Variants in BUB1B observed in about 807,000 individuals in gnomAD.
The protein encoded by BUB1B is mitotic checkpoint serine/threonine-protein kinase BUB1 beta.
BUB1B carries 86 observed loss-of-function variants against 137.7 expected under a neutral mutation model. The observed-to-expected ratio is 0.62, with a 90% CI of 0.52 to 0.75. BUB1B has a LOEUF of 0.75. BUB1B is among the 30% of genes least tolerant of loss of function. BUB1B has a pLI of 0.00. For synonymous variants in BUB1B, 420 were observed against 417.9 expected (o/e 1.00, Z -0.06); for missense variants, 1,130 against 1,236.9 (o/e 0.91, Z 1.30).
At chr15:40,191,324 T>C (rs143030932) in intron 8 of BUB1B, among the ~76,000 whole-genome samples, 222 of 152,358 alleles carry the variant, frequency 1.5e-3, no homozygotes, top group Admixed American at 5.6e-3. Flanking sequence ...CTATTTGGTT[T>C]TTTATTGTTG....
At chr15:40,180,251 C>CTTTTTTTTTTTTTTTT (rs34300396) in intron 5 of BUB1B, among the ~76,000 whole-genome samples, 5 of 90,508 alleles carry the variant, frequency 5.5e-5, no homozygotes, top group African/African-American at 2.2e-4. Flanking sequence ...CGTTTCGTTT[C>CTTTTTTTTTTTTTTTT]TTTTTTTTTT....
chr15:40,218,514 A>C lies in BUB1B; in HGVS notation c.2909A>C (p.Gln970Pro), dbSNP rs377751129. The C allele has an allele frequency of 1.2e-6, 2 of 1,614,016 alleles. No homozygotes were observed. Among genetic ancestry groups the C allele is most frequent in the Non-Finnish European group, 8.5e-7 (1 of 1,179,996 alleles). Residue 970 changes from glutamine (Q) to proline (P), a missense_variant, in exon 22 of 23, where the codon CAG (glutamine) becomes CCG (proline). Gln to Pro is a moderately conservative substitution (Grantham distance 76, BLOSUM62 -1). Coordinates refer to ENST00000287598, the MANE Select transcript of BUB1B (RefSeq NM_001211.6). ...TTACTATTGTTCAAGGAACACCTACAGGTCTTCTGGGATGGGTCCTTCTGG... is the reference window on the plus strand; with the variant it reads ...TTACTATTGTTCAAGGAACACCTACCGGTCTTCTGGGATGGGTCCTTCTGG... ...AHLLLFKEHL[Q>P]VFWDGSFWKL...
At chr15:40,204,637 T>A (rs928756606) in intron 14 of BUB1B, among the ~76,000 whole-genome samples, 1 of 151,276 alleles carries the variant, frequency 6.6e-6, no homozygotes, top group Non-Finnish European at 1.5e-5. Flanking sequence ...ATATATATAT[T>A]TTTTTCTTTT....
Position 40,202,624 on chromosome 15 carries a change from G to A in BUB1B, c.1664G>A (p.Arg555Gln), listed in dbSNP as rs2037587746. 7.4e-6 allele frequency: 12 copies of A among 1,614,018 alleles called. No individual in the cohort carries two copies. Among genetic ancestry groups the A allele is most frequent in the Non-Finnish European group, 1.0e-5 (12 of 1,180,008 alleles). Residue 555 changes from arginine to glutamine, a missense_variant, in exon 14 of 23, where the codon CGA becomes CAA. Transcript: ENST00000287598. ...PADPPRVLAQ[R>Q]RPLAVLKTSE... is the part of the protein sequence containing the mutation. ...GATCCCCCACGAGTTTTAGCTCAAC[G>A]AAGACCCCTTGCAGTTCTCAAAACC...
In BUB1B at chr15:40,190,887, A is replaced by C. The variant is rs919701076; in HGVS notation, c.1058+5245A>C. Among the ~76,000 whole-genome samples the C allele has an allele frequency of 5.5e-5, 8 of 146,616 alleles. No individual in the cohort carries two copies. The South Asian group carries it at 1.0e-3, about 19-fold the overall frequency. Reference sequence around the variant, plus strand: ...CATCAGGATAGTCAGAACGCCTTGTAATTTTTTTTTTTTTTTTTGAGACCG... The same window carrying C: ...CATCAGGATAGTCAGAACGCCTTGTCATTTTTTTTTTTTTTTTTGAGACCG... On this transcript the variant is annotated intron_variant, in intron 8 of 22. Coordinates refer to ENST00000287598, the MANE Select transcript of BUB1B (RefSeq NM_001211.6).
At chr15:40,184,931 TGTG>T (rs2037340275) in intron 6 of BUB1B, among the ~76,000 whole-genome samples, 1 of 152,124 alleles carries the variant, frequency 6.6e-6, no homozygotes, top group African/African-American at 2.4e-5. Context: ...GAATAAAAGA[TGTG>T]GGGTGACTGG....
chr15:40,206,290 C>G lies in BUB1B; in HGVS notation c.1841C>G (p.Ala614Gly), dbSNP rs771484427. ...GAAGACACTTGTGACTTTGCCAGAG[C>G]AGCTCGTTTTGTATCCACTCCTTTT... The part of the protein sequence containing the change: ...NPEDTCDFAR[A>G]ARFVSTPFHE... Residue 614 changes from alanine (A) to glycine (G), a missense_variant, in exon 15 of 23, where the codon GCA becomes GGA. Ala to Gly is a moderately conservative substitution (Grantham distance 60). Coordinates refer to ENST00000287598, the MANE Select transcript of BUB1B (RefSeq NM_001211.6). 6.2e-7 allele frequency: 1 copy of G among 1,614,168 alleles called. No individual in the cohort carries two copies. The highest frequency in any genetic ancestry group is 8.5e-7 in the Non-Finnish European group (1 of 1,180,014).
chr15:40,182,679 A>G (rs1382539395), intron 5 of BUB1B, among the ~76,000 whole-genome samples: 3 of 152,198 alleles, frequency 2.0e-5, no homozygotes, highest in Admixed American at 6.5e-5. Context: ...CAATTCACAT[A>G]CAGAATTAGG....
intron 4 of BUB1B, among the ~76,000 whole-genome samples, chr15:40,175,318 T>C (rs1366786790): frequency 2.0e-5 from 3 of 152,068 alleles, no homozygotes; most frequent in Non-Finnish European, 4.4e-5. Context: ...AAAATAATAG[T>C]GAAAAGAATT....
Position 40,170,700 on chromosome 15 carries a change from C to T in BUB1B, c.384+19C>T, listed in dbSNP as rs766956712. 1 of 1,610,406 alleles carries T rather than the reference C, an allele frequency of 6.2e-7. No homozygotes were observed. Among genetic ancestry groups the T allele is most frequent in the Non-Finnish European group, 8.5e-7 (1 of 1,177,300 alleles). On this transcript the variant is annotated intron_variant, in intron 4 of 22. Coordinates refer to ENST00000287598, the MANE Select transcript of BUB1B (RefSeq NM_001211.6). ...TAAATTAGTAAGTCTTTCTCAAGTGCCATCTGAGTTTTAAATATTAAACTA... is the reference window on the plus strand; with the variant it reads ...TAAATTAGTAAGTCTTTCTCAAGTGTCATCTGAGTTTTAAATATTAAACTA...
chr15:40,164,114 T>C (rs1027472447), intron 1 of BUB1B, among the ~76,000 whole-genome samples: 6 of 152,240 alleles, frequency 3.9e-5, no homozygotes, highest in Non-Finnish European at 8.8e-5. Context: ...ATGCAGGGAA[T>C]TGTGACTAGT....
At chr15:40,168,070 G>GA (rs752372089) in intron 2 of BUB1B, among the ~76,000 whole-genome samples, 3,092 of 88,152 alleles carry the variant, frequency 0.035, 99 homozygotes, top group African/African-American at 0.11. Context: ...TACTGAAAAA[G>GA]AAAAAAAAAA....
At chr15:40,219,414 A>G (rs1044919247) in intron 22 of BUB1B, among the ~76,000 whole-genome samples, 2 of 151,958 alleles carry the variant, frequency 1.3e-5, no homozygotes, top group Admixed American at 1.3e-4. Context: ...TACTCCCTCA[A>G]GCCTGCTCAT....
intron 5 of BUB1B, among the ~76,000 whole-genome samples, chr15:40,183,226 A>G (rs1202613012): frequency 6.6e-6 from 1 of 152,216 alleles, no homozygotes; most frequent in Non-Finnish European, 1.5e-5. Context: ...GTACAATGTC[A>G]TGTCATATGC....
chr15:40,208,877 C>G (rs989637205), intron 16 of BUB1B, 107 bp downstream of exon 16: 14 of 1,163,114 alleles, frequency 1.2e-5, no homozygotes, highest in Non-Finnish European at 1.8e-5. Context: ...CTCTGTCACC[C>G]AGGATGGAGT....
intron 2 of BUB1B, among the ~76,000 whole-genome samples, chr15:40,169,596 A>T (rs1053442258): frequency 9.5e-5 from 14 of 146,930 alleles, no homozygotes; most frequent in African/African-American, 3.5e-4. Context: ...GTAGAATCTT[A>T]ATTATTTCTA....
intron 6 of BUB1B, among the ~76,000 whole-genome samples, 153 bp from the exon 7 acceptor site, chr15:40,185,008 TATTA>T (rs550107672): frequency 9.6e-4 from 146 of 152,264 alleles, no homozygotes; most frequent in Non-Finnish European, 1.6e-3. Context: ...ATTTTTGATT[TATTA>T]ATTTTTTTAA....
chr15:40,194,052 AAT>A (rs1028694172), intron 8 of BUB1B, among the ~76,000 whole-genome samples: 2 of 151,994 alleles, frequency 1.3e-5, no homozygotes, highest in Non-Finnish European at 2.9e-5. Flanking sequence ...CCTTATTTTA[AAT>A]TTATTGTGAA....
Position 40,185,219 on chromosome 15 carries a change from A to G in BUB1B, c.806A>G (p.Asn269Ser), listed in dbSNP as rs1429987495. ...CCATTTCCTCAACAGATGCAAAATA[A>G]TAGTAGAATTACTGTTTTTGATGAA... ...QNPFPQQMQN[N>S]SRITVFDENA... Residue 269 changes from asparagine (N) to serine (S), a missense_variant, in exon 7 of 23, where the codon AAT (asparagine) becomes AGT (serine). Transcript: ENST00000287598. 5.6e-6 allele frequency: 9 copies of G among 1,614,082 alleles called. No individual in the cohort carries two copies. The highest frequency in any genetic ancestry group is 6.8e-6 in the Non-Finnish European group (8 of 1,180,042).
Sources: allele counts gnomAD v4.1 joint callset (sites outside exome capture counted in the v4.1 genomes callset), GRCh38; gene constraint gnomAD v4.1.1; transcripts MANE v1.5; gene names NCBI Gene and HGNC (gene_info 2026-07-23, HGNC 2026-07-21).